CD2AP: variants seen among roughly 807,000 people sequenced by gnomAD.
CD2AP encodes the protein CD2 associated protein.
CD2AP carries 46 observed loss-of-function variants against 85.1 expected under a neutral mutation model. The observed-to-expected ratio is 0.54, with a 90% CI of 0.43 to 0.69. The LOEUF is 0.69. Among genes scored for constraint, CD2AP ranks in the 30% least tolerant of loss-of-function variants. CD2AP has a pLI of 0.00. For synonymous variants in CD2AP, 255 were observed against 252.9 expected (o/e 1.01, Z -0.08); for missense variants, 769 against 729.5 (o/e 1.05, Z -0.62).
intron 1 of CD2AP, among the ~76,000 whole-genome samples, chr6:47,496,130 A>T (rs1016617083): frequency 2.6e-5 from 4 of 152,140 alleles, no homozygotes; most frequent in Admixed American, 2.0e-4. Context: ...CTGTTCTCAG[A>T]GAACATCCAT....
intron 1 of CD2AP, among the ~76,000 whole-genome samples, chr6:47,489,792 T>G (rs1491000470): frequency 1.3e-5 from 2 of 152,160 alleles, no homozygotes; most frequent in Non-Finnish European, 2.9e-5. Context: ...TTAAAACTCG[T>G]CCTCTTAATT....
intron 2 of CD2AP, among the ~76,000 whole-genome samples, chr6:47,511,345 A>T (rs1049362073): frequency 6.6e-6 from 1 of 152,220 alleles, no homozygotes; most frequent in African/African-American, 2.4e-5. Flanking sequence ...AAAAATGTCA[A>T]GGTCATGAAA....
At chr6:47,615,875 G>A (rs1320445365) in intron 17 of CD2AP, among the ~76,000 whole-genome samples, 1 of 150,438 alleles carries the variant, frequency 6.6e-6, no homozygotes, top group Non-Finnish European at 1.5e-5. Flanking sequence ...CACCTCCTGA[G>A]TTCACTCCGT....
intron 2 of CD2AP, among the ~76,000 whole-genome samples, chr6:47,518,096 A>G (rs2114002800): frequency 6.6e-6 from 1 of 152,212 alleles, no homozygotes; most frequent in East Asian, 1.9e-4. Flanking sequence ...AAGTGTGTTT[A>G]TATGTGTATA....
chr6:47,567,736 T>C (rs986259848), intron 5 of CD2AP, among the ~76,000 whole-genome samples: 3 of 152,158 alleles, frequency 2.0e-5, no homozygotes, highest in African/African-American at 7.2e-5. Flanking sequence ...TGAAAGAGAT[T>C]TAATTCAGAG....
Position 47,626,460 on chromosome 6 carries a change from G to A in CD2AP, c.*2233G>A, listed in dbSNP as rs994222556. ...GGTAAATCATGAATTTTTTTTCTAC[G>A]TGTGAGTATAAAAGACAAAAGTTGA... On this transcript the variant is annotated 3_prime_UTR_variant, in exon 18 of 18. Transcript: ENST00000359314. 6.6e-6 allele frequency: 1 copy of A among 151,886 alleles called. No homozygotes were observed. Among genetic ancestry groups the A allele is most frequent in the African/African-American group, 2.4e-5 (1 of 41,304 alleles). The allele number at this position is 151,886 out of a possible 1,614,324, so 9.4% of individuals were successfully genotyped here.
intron 5 of CD2AP, among the ~76,000 whole-genome samples, chr6:47,573,088 A>T (rs1025609030): frequency 1.3e-5 from 2 of 152,188 alleles, no homozygotes; most frequent in African/African-American, 4.8e-5. Flanking sequence ...TATCCAGAAA[A>T]AAGTACATAA....
chr6:47,616,920 A>T (rs1769606955), intron 17 of CD2AP, among the ~76,000 whole-genome samples: 1 of 152,036 alleles, frequency 6.6e-6, no homozygotes, highest in South Asian at 2.1e-4. Flanking sequence ...ATGATACTAC[A>T]TCCTATTGTC....
At chr6:47,493,136 T>C (rs1582472474) in intron 1 of CD2AP, among the ~76,000 whole-genome samples, 1 of 152,178 alleles carries the variant, frequency 6.6e-6, no homozygotes, top group Non-Finnish European at 1.5e-5. Context: ...GAATAAAAAA[T>C]GTATTTTGTT....
intron 5 of CD2AP, among the ~76,000 whole-genome samples, chr6:47,563,393 G>A (rs778263929): frequency 1.3e-5 from 2 of 152,114 alleles, no homozygotes; most frequent in Non-Finnish European, 1.5e-5. Flanking sequence ...AATGTCACAG[G>A]AAACATTAGA....
At chr6:47,606,663 T>C (rs993544403) in intron 14 of CD2AP, among the ~76,000 whole-genome samples, 2 of 152,080 alleles carry the variant, frequency 1.3e-5, no homozygotes, top group African/African-American at 4.8e-5. Flanking sequence ...TTTCTTTTTT[T>C]CTAAATTTTT....
intron 17 of CD2AP, among the ~76,000 whole-genome samples, chr6:47,621,890 C>T (rs1030142529): frequency 1.3e-4 from 20 of 152,158 alleles, no homozygotes; most frequent in Non-Finnish European, 2.5e-4. Flanking sequence ...CAGCAGTGGG[C>T]GGGGCCGTAG....
chr6:47,545,776 A>G (rs1767349756), intron 4 of CD2AP, among the ~76,000 whole-genome samples: 1 of 152,278 alleles, frequency 6.6e-6, no homozygotes, highest in South Asian at 2.1e-4. Flanking sequence ...TCTACAGTTC[A>G]ACTCTCAGGA....
chr6:47,549,460 C>CAA (rs67626138), intron 4 of CD2AP, among the ~76,000 whole-genome samples: 33,786 of 110,254 alleles, frequency 0.31, 5,412 homozygotes, highest in Middle Eastern at 0.4. Context: ...ACAATAGCTG[C>CAA]AAAAAAAAAA....
chr6:47,576,543 T>C lies in CD2AP; in HGVS notation c.749T>C (p.Leu250Pro). 6.2e-7 allele frequency: 1 copy of C among 1,612,012 alleles called. No homozygotes were observed. The highest frequency in any genetic ancestry group is 8.5e-7 in the Non-Finnish European group (1 of 1,178,394). ...TTCTAGCCCTTAATCCTACAGTCAC[T>C]GGGACCCAAAACTCAGAGTGTGGAG... Reference protein sequence around the residue: ...KPEKPLILQSLGPKTQSVEIT... With the variant: ...KPEKPLILQSPGPKTQSVEIT... Residue 250 changes from leucine (L) to proline (P), a missense_variant, in exon 7 of 18, where the codon CTG (leucine) becomes CCG (proline). Leu to Pro is a moderately conservative substitution (Grantham distance 98). Transcript: ENST00000359314.
intron 3 of CD2AP, among the ~76,000 whole-genome samples, chr6:47,543,478 C>T (rs1767285959): frequency 6.6e-6 from 1 of 152,180 alleles, no homozygotes. Flanking sequence ...GTAGCTTAAA[C>T]ATCAGATTTA....
chr6:47,585,489 T>C (rs966836335), intron 11 of CD2AP, among the ~76,000 whole-genome samples: 29 of 152,238 alleles, frequency 1.9e-4, no homozygotes, highest in African/African-American at 7.0e-4. Flanking sequence ...GACACTGAAG[T>C]GAGACCTATA....
chr6:47,530,771 G>A (rs574661177), intron 2 of CD2AP, among the ~76,000 whole-genome samples: 64 of 152,294 alleles, frequency 4.2e-4, no homozygotes, highest in African/African-American at 1.4e-3. Flanking sequence ...ATGCTAAAGA[G>A]CAGAAAGGTG....
intron 1 of CD2AP, among the ~76,000 whole-genome samples, chr6:47,497,024 T>C (rs1343717269): frequency 6.6e-6 from 1 of 152,206 alleles, no homozygotes; most frequent in Non-Finnish European, 1.5e-5. Flanking sequence ...TCCTTTATAA[T>C]ATCAAGGCTG....
Sources: gnomAD v4.1 joint callset for allele counts (sites outside exome capture counted in the v4.1 genomes callset) on GRCh38, gnomAD v4.1.1 for gene constraint, MANE v1.5 for transcripts, NCBI Gene and HGNC (gene_info 2026-07-23, HGNC 2026-07-21) for gene names.